The following CTTNBP2NL variants were observed in gnomAD, a reference collection of about 807,000 sequenced individuals.
CTTNBP2NL encodes CTTNBP2 N-terminal like.
CTTNBP2NL carries 16 observed loss-of-function variants against 32.5 expected under a neutral mutation model. The ratio of observed to expected loss-of-function variants is 0.49; its 90% CI spans 0.33 to 0.75. The LOEUF (loss-of-function observed/expected upper bound fraction) is 0.75, where lower values mean the gene tolerates loss of function less well. CTTNBP2NL is among the 30% of genes least tolerant of loss of function. The pLI is 0.02. For missense variants in CTTNBP2NL, 645 were observed against 756.0 expected, an observed-to-expected ratio of 0.85 and a Z score of 1.72; for synonymous variants, 298 against 289.4, an observed-to-expected ratio of 1.03 and a Z score of -0.30.
In CTTNBP2NL at chr1:112,424,415, T is replaced by G. The variant is rs115197978; in HGVS notation, c.99+8151T>G. Among the ~76,000 whole-genome samples, 554 of 152,348 alleles carry G rather than the reference T, an allele frequency of 3.6e-3. 3 individuals are homozygous for G. The highest frequency in any genetic ancestry group is 0.013 in the African/African-American group (530 of 41,576). ...ACCTTGATGCCAGTACCACACTGTT[T>G]TGGTTATTGTGGCCTTGTGGTAACT... On this transcript the variant is annotated intron_variant, in intron 3 of 5. Coordinates refer to ENST00000271277, the MANE Select transcript of CTTNBP2NL (RefSeq NM_018704.3).
chr1:112,421,934 ATTGT>A (rs1180647409), intron 3 of CTTNBP2NL, among the ~76,000 whole-genome samples: 1 of 152,104 alleles, frequency 6.6e-6, no homozygotes, highest in Non-Finnish European at 1.5e-5. Flanking sequence ...TTATTATTCC[ATTGT>A]TTGATGCAGC....
intron 3 of CTTNBP2NL, among the ~76,000 whole-genome samples, chr1:112,440,902 G>A (rs771832187): frequency 4.1e-4 from 55 of 133,498 alleles, no homozygotes; most frequent in Middle Eastern, 3.7e-3. Flanking sequence ...GAGTGTTAAC[G>A]TCTCTGTTGT....
At chr1:112,414,757 G>A (rs141718539) in intron 2 of CTTNBP2NL, 1 of 152,354 alleles carries the variant, frequency 6.6e-6, no homozygotes, top group East Asian at 1.9e-4. Flanking sequence ...TGTGGTTTGT[G>A]AGAATTAGTG....
intron 3 of CTTNBP2NL, among the ~76,000 whole-genome samples, chr1:112,447,427 T>G (rs898437088): frequency 6.6e-6 from 1 of 152,148 alleles, no homozygotes; most frequent in Non-Finnish European, 1.5e-5. Flanking sequence ...TCTCTTCATA[T>G]TTCCAGTATA....
intron 3 of CTTNBP2NL, among the ~76,000 whole-genome samples, chr1:112,439,828 A>T (rs1375688025): frequency 5.9e-5 from 9 of 152,116 alleles, no homozygotes; most frequent in African/African-American, 2.2e-4. Context: ...GCCAGAACCC[A>T]CCCACTTCCA....
At chr1:112,408,417 A>G (rs1648749142) in intron 1 of CTTNBP2NL, among the ~76,000 whole-genome samples, 1 of 151,948 alleles carries the variant, frequency 6.6e-6, no homozygotes, top group South Asian at 2.1e-4. Context: ...AGAGGAATGA[A>G]AGGGACCATT....
In CTTNBP2NL at chr1:112,457,325, T is replaced by C; in HGVS notation, c.1833T>C (p.Thr611=). The change falls in exon 6 of 6, where the codon ACT becomes ACC. Residue 611 remains threonine, a synonymous_variant. Transcript: ENST00000271277. ...KTHSQAASLT[T]AEDLASSCSS... is the part of the protein sequence containing the mutation. ...ATTCCCAGGCAGCCTCTTTGACCAC[T>C]GCAGAAGACCTTGCCAGCAGCTGCT... 2 of 1,614,172 alleles carry C rather than the reference T, an allele frequency of 1.2e-6. No individual in the cohort carries two copies. Among genetic ancestry groups the C allele is most frequent in the Non-Finnish European group, 1.7e-6 (2 of 1,180,008 alleles).
In CTTNBP2NL at chr1:112,456,117, AAGG is replaced by A; in HGVS notation, c.628_630del (p.Glu210del). On this transcript the variant is annotated inframe_deletion, in exon 6 of 6. Coordinates refer to ENST00000271277, the MANE Select transcript of CTTNBP2NL (RefSeq NM_018704.3). ...AGGAGAGCTGAGCCTGAAATTGGAG[AAGG>A]AGAAGAGCCGGGTGAGTAAACTGGA... 1 of 1,614,112 alleles carries A rather than the reference AAGG, an allele frequency of 6.2e-7. No individual in the cohort carries two copies. Among genetic ancestry groups the A allele is most frequent in the Non-Finnish European group, 8.5e-7 (1 of 1,180,004 alleles).
At chr1:112,404,397 C>T (rs995906459) in intron 1 of CTTNBP2NL, among the ~76,000 whole-genome samples, 4 of 152,136 alleles carry the variant, frequency 2.6e-5, no homozygotes, top group Admixed American at 1.3e-4. Flanking sequence ...TTATGGGCAT[C>T]GCTAAAACAC....
rs35522134 is a variant in CTTNBP2NL at position 112,447,272 on chromosome 1, TAAAAA to T, written c.100-1649_100-1645del. ...CTGGGCGACAGAGCGAGACTCCATC[TAAAAA>T]AAAAAAAAAAAAAAAAAAAAGTAGA... On this transcript the variant is annotated intron_variant, in intron 3 of 5. Transcript: ENST00000271277. Among the ~76,000 whole-genome samples the T allele has an allele frequency of 8.4e-3, 585 of 69,684 alleles. 2 individuals are homozygous for T. Among genetic ancestry groups the T allele is most frequent in the African/African-American group, 0.026 (486 of 18,402 alleles). The allele number at this position is 69,684 out of a possible 152,430, so 45.7% of individuals were successfully genotyped here.
In CTTNBP2NL at chr1:112,460,848, T is replaced by C. The variant is rs1227771751; in HGVS notation, c.*3436T>C. ...TTTCAACAAATACTAGCATATCCGG[T>C]TTCCCTTAATAGCCTGTCAGCAGTG... On this transcript the variant is annotated 3_prime_UTR_variant, in exon 6 of 6. Transcript: ENST00000271277. 6.6e-6 allele frequency: 1 copy of C among 152,142 alleles called. No homozygotes were observed. Among genetic ancestry groups the C allele is most frequent in the African/African-American group, 2.4e-5 (1 of 41,458 alleles). The allele number at this position is 152,142 out of a possible 1,614,324, so 9.4% of individuals were successfully genotyped here. A position where few individuals can be genotyped will look rare whatever the true frequency, so the allele number is the denominator to read the frequency against.
chr1:112,433,453 C>G (rs998147798), intron 3 of CTTNBP2NL, among the ~76,000 whole-genome samples: 12 of 152,112 alleles, frequency 7.9e-5, no homozygotes, highest in Non-Finnish European at 1.5e-5. Flanking sequence ...ATTAACCAGG[C>G]ACAATGGTGC....
intron 4 of CTTNBP2NL, among the ~76,000 whole-genome samples, chr1:112,452,335 C>CTTCTGTTTTTTTTTTTTTT: frequency 1.5e-5 from 1 of 65,720 alleles, no homozygotes; most frequent in African/African-American, 6.1e-5. Context: ...CCAGTCTCTT[C>CTTCTGTTTTTTTTTTTTTT]TTTTTTTTTT....
At chr1:112,442,842 C>T (rs977919054) in intron 3 of CTTNBP2NL, among the ~76,000 whole-genome samples, 3 of 152,118 alleles carry the variant, frequency 2.0e-5, no homozygotes, top group Admixed American at 6.6e-5. Context: ...AGGCGCCCAC[C>T]ACCACACCCA....
chr1:112,432,891 C>A (rs968297773), intron 3 of CTTNBP2NL, among the ~76,000 whole-genome samples: 35 of 152,108 alleles, frequency 2.3e-4, no homozygotes, highest in African/African-American at 8.2e-4. Context: ...TTCTACTACT[C>A]TAATGAAATT....
chr1:112,427,211 G>A (rs2101012381), intron 3 of CTTNBP2NL, among the ~76,000 whole-genome samples: 1 of 152,204 alleles, frequency 6.6e-6, no homozygotes, highest in South Asian at 2.1e-4. Context: ...GGCTCACTTA[G>A]GAAATAGACA....
In CTTNBP2NL at chr1:112,397,951, C is replaced by T. The variant is rs867488748; in HGVS notation, c.-134+1679C>T. Among the ~76,000 whole-genome samples, 16 of 152,316 alleles carry T rather than the reference C, an allele frequency of 1.1e-4. No individual in the cohort carries two copies. The Middle Eastern group carries it at 0.01, about 97-fold the overall frequency. On this transcript the variant is annotated intron_variant, in intron 1 of 5. Transcript: ENST00000271277. ...AGTTTTCAGAGCCACTCGGTGCTCA[C>T]AGGTCTTCTCAGTGATTGTTTCCAA...
chr1:112,392,790 G>T (rs1648216047), upstream of CTTNBP2NL, among the ~76,000 whole-genome samples: 1 of 152,148 alleles, frequency 6.6e-6, no homozygotes. Flanking sequence ...GGGGAGAGAG[G>T]CATGGGATGG....
chr1:112,408,071 T>C, intron 1 of CTTNBP2NL, among the ~76,000 whole-genome samples: 1 of 151,872 alleles, frequency 6.6e-6, no homozygotes. Flanking sequence ...GGTCTCAAAC[T>C]TCTGAGCTCA....
Sources: allele counts gnomAD v4.1 joint callset (sites outside exome capture counted in the v4.1 genomes callset), GRCh38; gene constraint gnomAD v4.1.1; transcripts MANE v1.5; gene names NCBI Gene and HGNC (gene_info 2026-07-23, HGNC 2026-07-21).